SLC60A2: variants seen among roughly 807,000 people sequenced by gnomAD.
The protein encoded by SLC60A2 is major facilitator superfamily domain containing 4B.
chr6:111,264,823 G>T, the SLC60A2 span, among the ~76,000 whole-genome samples: 1 of 151,704 alleles, frequency 6.6e-6, no homozygotes, highest in African/African-American at 2.4e-5. Flanking sequence ...TAACGGCGGG[G>T]TGGCTTACGC....
the SLC60A2 span, chr6:111,263,825 C>G: frequency 6.6e-7 from 1 of 1,523,378 alleles, no homozygotes; most frequent in Non-Finnish European, 9.1e-7. Context: ...TTTCTACCTT[C>G]CCAGGAATCT....
the SLC60A2 span, chr6:111,259,751 C>G: frequency 3.2e-6 from 5 of 1,565,738 alleles, no homozygotes; most frequent in Non-Finnish European, 4.3e-6. Context: ...CTGCAACACT[C>G]CCAGGCCGGG....
chr6:111,264,673 A>G, the SLC60A2 span, among the ~76,000 whole-genome samples: 1 of 151,852 alleles, frequency 6.6e-6, no homozygotes. Context: ...CTGTAGTCCC[A>G]ATTACTCGGG....
chr6:111,259,750 TC>T, the SLC60A2 span: 2 of 1,566,252 alleles, frequency 1.3e-6, no homozygotes, highest in Non-Finnish European at 1.7e-6. Flanking sequence ...GCTGCAACAC[TC>T]CCAGGCCGGG....
chr6:111,265,445 A>G, the SLC60A2 span: 1 of 964,298 alleles, frequency 1.0e-6, no homozygotes, highest in Non-Finnish European at 1.2e-6. Context: ...TAAGTAAGTA[A>G]TTTTCCTCAA....
the SLC60A2 span, among the ~76,000 whole-genome samples, chr6:111,264,832 G>A: frequency 2.4e-4 from 36 of 149,426 alleles, no homozygotes; most frequent in African/African-American, 8.1e-4. Flanking sequence ...GGTGGCTTAC[G>A]CCTATAATCC....
chr6:111,276,509 T>C, the SLC60A2 span, among the ~76,000 whole-genome samples: 3 of 152,238 alleles, frequency 2.0e-5, no homozygotes, highest in South Asian at 6.2e-4. Context: ...AGAAAAGTTA[T>C]GTTGGGCAAC....
At chr6:111,271,775 TAAAAAA>T in the SLC60A2 span, among the ~76,000 whole-genome samples, 54 of 18,848 alleles carry the variant, frequency 2.9e-3, 1 homozygote, top group East Asian at 9.1e-3. Flanking sequence ...CCATCTCTAC[TAAAAAA>T]AAAAAAAAAA....
chr6:111,263,706 C>A, the SLC60A2 span: 1 of 551,868 alleles, frequency 1.8e-6, no homozygotes, highest in South Asian at 2.9e-5. Flanking sequence ...GAAGCAAAAA[C>A]TCTCATCTAC....
the SLC60A2 span, chr6:111,266,580 G>A: frequency 1.2e-6 from 2 of 1,614,174 alleles, no homozygotes; most frequent in Non-Finnish European, 1.7e-6. Context: ...ATTTCCGAGT[G>A]GTGTTTCTTG....
chr6:111,261,834 C>T, the SLC60A2 span, among the ~76,000 whole-genome samples: 31 of 152,204 alleles, frequency 2.0e-4, no homozygotes, highest in East Asian at 9.6e-4. Flanking sequence ...CCTCGTGATC[C>T]GCCTGCTTCG....
At chr6:111,266,188 C>G in the SLC60A2 span, 2 of 1,612,312 alleles carry the variant, frequency 1.2e-6, no homozygotes, top group Non-Finnish European at 1.7e-6. Flanking sequence ...AAGAATAGCT[C>G]AAAGCAAGAA....
At chr6:111,266,179 AG>A in the SLC60A2 span, 2 of 1,612,482 alleles carry the variant, frequency 1.2e-6, no homozygotes, top group East Asian at 4.5e-5. Flanking sequence ...CTGTTTTTAA[AG>A]AATAGCTCAA....
chr6:111,277,325 G>C, the SLC60A2 span, among the ~76,000 whole-genome samples: 3 of 152,126 alleles, frequency 2.0e-5, no homozygotes, highest in African/African-American at 7.2e-5. Context: ...TGTTAGACAA[G>C]GTTTGTGGAT....
chr6:111,276,218 GC>G, the SLC60A2 span, among the ~76,000 whole-genome samples: 5 of 152,088 alleles, frequency 3.3e-5, no homozygotes, highest in African/African-American at 1.2e-4. Context: ...TTGTTAATAC[GC>G]TGCTGTGAAT....
the SLC60A2 span, among the ~76,000 whole-genome samples, chr6:111,261,489 G>C: frequency 1.1e-4 from 16 of 151,564 alleles, no homozygotes; most frequent in Non-Finnish European, 2.1e-4. Flanking sequence ...AGATGGGGTT[G>C]CCTAGGTTGA....
the SLC60A2 span, among the ~76,000 whole-genome samples, chr6:111,279,903 G>A: frequency 1.3e-5 from 2 of 152,112 alleles, no homozygotes; most frequent in African/African-American, 4.8e-5. Flanking sequence ...TCACACCACT[G>A]CATGAGTGAG....
At chr6:111,259,911 C>CTT in the SLC60A2 span, among the ~76,000 whole-genome samples, 3,895 of 121,112 alleles carry the variant, frequency 0.032, 180 homozygotes, top group Admixed American at 0.036. Flanking sequence ...CTCCAGCAAG[C>CTT]TTTTTTTTTT....
chr6:111,259,602 G>A, the SLC60A2 span: 1 of 1,360,846 alleles, frequency 7.3e-7, no homozygotes, highest in South Asian at 1.4e-5. Flanking sequence ...GCTCCTGCAG[G>A]CGGAGGCCCC....
Sources: allele counts gnomAD v4.1 joint callset (sites outside exome capture counted in the v4.1 genomes callset), GRCh38; gene constraint gnomAD v4.1.1; transcripts MANE v1.5; gene names NCBI Gene and HGNC (gene_info 2026-07-23, HGNC 2026-07-21).